CSMD1: variants seen among roughly 807,000 people sequenced by gnomAD.
The protein encoded by CSMD1 is CUB and sushi domain-containing protein 1.
A neutral mutation model predicts 417.5 loss-of-function variants in CSMD1; 213 were observed. That is an observed-to-expected ratio of 0.51 (90% CI 0.46 to 0.57). CSMD1 has a LOEUF of 0.57. Ranked by LOEUF, CSMD1 falls within the 20% of genes least tolerant of loss-of-function variation. The pLI, the probability that CSMD1 is intolerant of heterozygous loss-of-function variation, is 0.00. For synonymous variants in CSMD1, 2,862 were observed against 1,736.8 expected (o/e 1.65, Z -16.11); for missense variants, 6,923 against 4,529.7 (o/e 1.53, Z -15.17).
At chr8:4,582,023 C>G (rs1356112442) in intron 2 of CSMD1, among the ~76,000 whole-genome samples, 1 of 152,030 alleles carries the variant, frequency 6.6e-6, no homozygotes, top group African/African-American at 2.4e-5. Context: ...TGAAATGAAA[C>G]AGCATCGCAG....
intron 3 of CSMD1, among the ~76,000 whole-genome samples, chr8:4,109,649 G>C (rs757727633): frequency 6.6e-6 from 1 of 152,128 alleles, no homozygotes; most frequent in Non-Finnish European, 1.5e-5. Flanking sequence ...TGGCAACCTT[G>C]TAAGTTTGTT....
At chr8:4,762,725 G>A (rs1812197739) in intron 1 of CSMD1, among the ~76,000 whole-genome samples, 1 of 152,060 alleles carries the variant, frequency 6.6e-6, no homozygotes, top group African/African-American at 2.4e-5. Flanking sequence ...GAGCTATTGT[G>A]CTTCCTCCAT....
chr8:3,957,463 A>T (rs10113319), intron 5 of CSMD1, among the ~76,000 whole-genome samples: 4,368 of 152,206 alleles, frequency 0.029, 219 homozygotes, highest in African/African-American at 0.1. Flanking sequence ...GAAGCCCCTG[A>T]GCCTAGGAGT....
At chr8:3,803,209 G>A (rs1278763120) in intron 5 of CSMD1, among the ~76,000 whole-genome samples, 1 of 151,474 alleles carries the variant, frequency 6.6e-6, no homozygotes, top group Admixed American at 6.6e-5. Context: ...TAATTTTTGA[G>A]TGATGACTTG....
chr8:2,976,078 G>A (rs1261488459), intron 55 of CSMD1, among the ~76,000 whole-genome samples: 2 of 152,206 alleles, frequency 1.3e-5, no homozygotes, highest in Admixed American at 6.5e-5. Flanking sequence ...CACATTTACA[G>A]ATGCATTTTT....
chr8:3,610,140 T>A (rs190347485), intron 8 of CSMD1, among the ~76,000 whole-genome samples: 1 of 152,130 alleles, frequency 6.6e-6, no homozygotes, highest in East Asian at 1.9e-4. Flanking sequence ...TGTCATTTCA[T>A]CTAAGTGTCA....
At chr8:4,904,268 T>C (rs949860325) in intron 1 of CSMD1, among the ~76,000 whole-genome samples, 1 of 152,114 alleles carries the variant, frequency 6.6e-6, no homozygotes, top group African/African-American at 2.4e-5. Flanking sequence ...TAACTGTGGA[T>C]TTTAGGAACA....
rs767579851 is a variant in CSMD1, at chr8:4,680,975, T to TGTGA, written c.86-43418_86-43417insTCAC. On this transcript the variant is annotated intron_variant, in intron 1 of 69. Coordinates refer to ENST00000635120, the MANE Select transcript of CSMD1 (RefSeq NM_033225.6). ...ATGTGTGTGTGTGTGTGTGTGTGTGTGAGAGAGAGAGAGAGAGAGAGAGAG... is the reference window on the plus strand; with the variant it reads ...ATGTGTGTGTGTGTGTGTGTGTGTGTGTGAGAGAGAGAGAGAGAGAGAGAGAGAG... 2.8e-3 allele frequency among the ~76,000 whole-genome samples: 388 copies of TGTGA among 136,770 alleles called. 2 individuals carry two copies. The highest frequency in any genetic ancestry group is 9.0e-3 in the African/African-American group (326 of 36,036). The allele number at this position is 136,770 out of a possible 152,430, so 89.7% of individuals were successfully genotyped here. A position where few individuals can be genotyped will look rare whatever the true frequency, so the allele number is the denominator to read the frequency against.
At chr8:3,404,728 T>C (rs77921166) in intron 15 of CSMD1, among the ~76,000 whole-genome samples, 8,425 of 152,272 alleles carry the variant, frequency 0.055, 303 homozygotes, top group East Asian at 0.17. Context: ...TTTTTAGTGT[T>C]TTACAAAGTT....
At chr8:3,196,797 T>G (rs1796729486) in intron 33 of CSMD1, among the ~76,000 whole-genome samples, 1 of 152,136 alleles carries the variant, frequency 6.6e-6, no homozygotes. Flanking sequence ...TGGAGACCAG[T>G]GAGTTGTGAG....
At chr8:3,685,281 T>G (rs1799890043) in intron 7 of CSMD1, among the ~76,000 whole-genome samples, 1 of 152,196 alleles carries the variant, frequency 6.6e-6, no homozygotes, top group Non-Finnish European at 1.5e-5. Flanking sequence ...CCCATTACGT[T>G]GAGTTTAATG....
intron 3 of CSMD1, among the ~76,000 whole-genome samples, chr8:4,289,444 C>G (rs1444919486): frequency 1.3e-5 from 2 of 152,194 alleles, no homozygotes; most frequent in Non-Finnish European, 1.5e-5. Flanking sequence ...CACAAACACT[C>G]TAAATGACTC....
chr8:3,885,562 G>C (rs984722228), intron 5 of CSMD1, among the ~76,000 whole-genome samples: 1 of 152,172 alleles, frequency 6.6e-6, no homozygotes, highest in African/African-American at 2.4e-5. Flanking sequence ...GCTCCACCTA[G>C]TAATGAAATT....
intron 8 of CSMD1, 128 bp from the exon 9 acceptor site, chr8:3,586,388 A>T (rs937782895): frequency 2.4e-6 from 2 of 850,618 alleles, no homozygotes; most frequent in Non-Finnish European, 3.5e-6. Flanking sequence ...ACATTAAGCA[A>T]CTCATTAGGT....
At chr8:3,682,541 A>G (rs184751132) in intron 7 of CSMD1, among the ~76,000 whole-genome samples, 75 of 152,312 alleles carry the variant, frequency 4.9e-4, no homozygotes, top group Admixed American at 1.9e-3. Flanking sequence ...GTCAGGAAAC[A>G]ACAGGTGCTG....
chr8:3,676,196 C>A (rs1295064903), intron 7 of CSMD1, among the ~76,000 whole-genome samples: 1 of 152,166 alleles, frequency 6.6e-6, no homozygotes, highest in African/African-American at 2.4e-5. Context: ...CCTCGTTTGT[C>A]CATACTGCAT....
At chr8:3,150,102 G>A (rs1265499921) in intron 40 of CSMD1, among the ~76,000 whole-genome samples, 1 of 152,206 alleles carries the variant, frequency 6.6e-6, no homozygotes, top group African/African-American at 2.4e-5. Context: ...CGTTGCTGAA[G>A]GTGATTCCCA....
chr8:4,256,676 A>T (rs1204571353), intron 3 of CSMD1, among the ~76,000 whole-genome samples: 6 of 152,048 alleles, frequency 3.9e-5, no homozygotes, highest in Non-Finnish European at 8.8e-5. Context: ...TGACTGCAGG[A>T]AGAATCCCAG....
At chr8:3,345,268 C>T (rs1807914272) in intron 22 of CSMD1, among the ~76,000 whole-genome samples, 1 of 152,140 alleles carries the variant, frequency 6.6e-6, no homozygotes, top group Non-Finnish European at 1.5e-5. Flanking sequence ...ACCTTGCTCC[C>T]AGTGGCTTCA....
Sources: gnomAD v4.1 joint callset for allele counts (sites outside exome capture counted in the v4.1 genomes callset) on GRCh38, gnomAD v4.1.1 for gene constraint, MANE v1.5 for transcripts, NCBI Gene and HGNC (gene_info 2026-07-23, HGNC 2026-07-21) for gene names.